The following RAB3GAP1 variants were observed in gnomAD, a reference collection of about 807,000 sequenced individuals.
RAB3GAP1 encodes the protein rab3 GTPase-activating protein catalytic subunit.
Under a neutral mutation model 130.7 loss-of-function variants are expected in RAB3GAP1, and 86 were observed. That is an observed-to-expected ratio of 0.66 (90% confidence interval 0.55 to 0.79). The LOEUF is 0.79. RAB3GAP1 is among the 30% of genes least tolerant of loss of function. The pLI is 0.00. For missense variants in RAB3GAP1, 1,029 were observed against 1,169.4 expected (o/e 0.88, Z 1.75); for synonymous variants, 367 against 401.7 (o/e 0.91, Z 1.03).
chr2:135,127,750 C>G (rs1246881405), intron 11 of RAB3GAP1, among the ~76,000 whole-genome samples: 1 of 152,140 alleles, frequency 6.6e-6, no homozygotes, highest in Non-Finnish European at 1.5e-5. Context: ...ATCTTATACA[C>G]CTCACAAGGT....
At chr2:135,112,415 T>G (rs887417405) in intron 5 of RAB3GAP1, among the ~76,000 whole-genome samples, 1 of 152,188 alleles carries the variant, frequency 6.6e-6, no homozygotes, top group Admixed American at 6.5e-5. Flanking sequence ...GAGAAACACT[T>G]TGGTGTCTTC....
At chr2:135,141,228 C>CTTCTT (rs767817881) in intron 17 of RAB3GAP1, among the ~76,000 whole-genome samples, 5,359 of 132,352 alleles carry the variant, frequency 0.04, 139 homozygotes, top group African/African-American at 0.052. Flanking sequence ...TCACTTACTT[C>CTTCTT]TTTTTTTTTT....
intron 3 of RAB3GAP1, among the ~76,000 whole-genome samples, chr2:135,090,662 T>C (rs1690117710): frequency 6.6e-6 from 1 of 152,220 alleles, no homozygotes; most frequent in Non-Finnish European, 1.5e-5. Context: ...TGCTTCTTTA[T>C]GAAGCAATTT....
chr2:135,155,246 T>C (rs1028329495), intron 19 of RAB3GAP1, among the ~76,000 whole-genome samples: 2 of 151,566 alleles, frequency 1.3e-5, no homozygotes, highest in South Asian at 4.2e-4. Context: ...AAGAAAACCA[T>C]ATAAAAAATG....
chr2:135,057,902 C>T, intron 2 of RAB3GAP1, 109 bp from the exon 3 acceptor site: 5 of 786,520 alleles, frequency 6.4e-6, no homozygotes, highest in South Asian at 6.2e-5. Flanking sequence ...GTACTGAGTC[C>T]TCTCTGGTCA....
intron 17 of RAB3GAP1, among the ~76,000 whole-genome samples, chr2:135,146,268 C>T (rs1478996707): frequency 1.5e-5 from 2 of 137,228 alleles, no homozygotes; most frequent in Admixed American, 8.1e-5. Context: ...TGCAGTGGTG[C>T]GATCATGATC....
chr2:135,083,650 A>G (rs1236231095), intron 3 of RAB3GAP1, among the ~76,000 whole-genome samples: 7 of 148,886 alleles, frequency 4.7e-5, no homozygotes, highest in African/African-American at 1.7e-4. Flanking sequence ...TTTTTCGGTT[A>G]GGGATGGAGT....
rs142239676 is a variant in RAB3GAP1, at chr2:135,056,451, G to A, written c.75-1560G>A. The stretch of plus-strand genomic sequence containing the variant: ...GAACTCCTGACCTCGTGATCCACCC[G>A]CCTCAGCTCCCAAAGTGCTGGGATT... On this transcript the variant is annotated intron_variant, in intron 2 of 23. Coordinates refer to ENST00000264158, the MANE Select transcript of RAB3GAP1 (RefSeq NM_012233.3). 5.6e-3 allele frequency among the ~76,000 whole-genome samples: 854 copies of A among 152,124 alleles called. 7 individuals are homozygous for A. Among genetic ancestry groups the A allele is most frequent in the African/African-American group, 0.02 (813 of 41,496 alleles).
chr2:135,058,003 C>T lies in RAB3GAP1; in HGVS notation c.75-8C>T, dbSNP rs1689062422. 1 of 1,599,296 alleles carries T rather than the reference C, an allele frequency of 6.3e-7. No homozygotes were observed. The highest frequency in any genetic ancestry group is 8.6e-7 in the Non-Finnish European group (1 of 1,166,848). On this transcript the variant is annotated splice_region_variant and splice_polypyrimidine_tract_variant and intron_variant, in intron 2 of 23. Coordinates refer to ENST00000264158, the MANE Select transcript of RAB3GAP1 (RefSeq NM_012233.3). The stretch of plus-strand genomic sequence containing the variant: ...GTTGTATTTAGAAGCTTTCTCCCTA[C>T]TTCCTAGGTTTATTTCCAAAGTTGA...
intron 5 of RAB3GAP1, among the ~76,000 whole-genome samples, chr2:135,105,840 C>T (rs1371844396): frequency 1.3e-5 from 2 of 150,706 alleles, no homozygotes; most frequent in African/African-American, 2.4e-5. Context: ...GCCTCTGCCC[C>T]GCCGCCCCGT....
chr2:135,129,894 A>T, intron 11 of RAB3GAP1, 101 bp from the exon 12 acceptor site: 1 of 788,194 alleles, frequency 1.3e-6, no homozygotes, highest in Non-Finnish European at 2.1e-6. Flanking sequence ...TTTCTACCAT[A>T]TCTTAGTTAA....
intron 3 of RAB3GAP1, among the ~76,000 whole-genome samples, chr2:135,061,892 C>T (rs1325732080): frequency 6.6e-6 from 1 of 152,062 alleles, no homozygotes; most frequent in Non-Finnish European, 1.5e-5. Flanking sequence ...TGTTCTAGAA[C>T]CTACTTTGGA....
intron 3 of RAB3GAP1, among the ~76,000 whole-genome samples, chr2:135,069,534 A>G (rs1413379560): frequency 6.6e-6 from 1 of 152,180 alleles, no homozygotes; most frequent in African/African-American, 2.4e-5. Context: ...AAAACTTTGT[A>G]AAAATGGTTG....
chr2:135,094,523 C>G (rs1000070052), intron 5 of RAB3GAP1, among the ~76,000 whole-genome samples: 2 of 152,136 alleles, frequency 1.3e-5, no homozygotes, highest in African/African-American at 4.8e-5. Context: ...CATTAACCAT[C>G]CCCTCTTTAT....
chr2:135,132,108 A>G (rs1434651022), intron 13 of RAB3GAP1, among the ~76,000 whole-genome samples: 1 of 152,238 alleles, frequency 6.6e-6, no homozygotes, highest in Non-Finnish European at 1.5e-5. Flanking sequence ...TAGTTCATCT[A>G]ATTTTTAAAA....
intron 5 of RAB3GAP1, among the ~76,000 whole-genome samples, chr2:135,102,534 G>A (rs1690475703): frequency 6.6e-6 from 1 of 152,160 alleles, no homozygotes; most frequent in South Asian, 2.1e-4. Context: ...TACTGAGAGT[G>A]GAACAATACA....
chr2:135,104,524 A>T (rs1407189147), intron 5 of RAB3GAP1, among the ~76,000 whole-genome samples: 1 of 152,124 alleles, frequency 6.6e-6, no homozygotes, highest in African/African-American at 2.4e-5. Context: ...ACAGTGAGTT[A>T]CATAGGAATC....
chr2:135,091,709 G>A (rs1481887907), intron 4 of RAB3GAP1, among the ~76,000 whole-genome samples: 1 of 152,184 alleles, frequency 6.6e-6, no homozygotes, highest in East Asian at 1.9e-4. Context: ...GGAGGGCTAA[G>A]TGAAGATTTA....
At chr2:135,101,687 T>C (rs1434470485) in intron 5 of RAB3GAP1, among the ~76,000 whole-genome samples, 1 of 152,240 alleles carries the variant, frequency 6.6e-6, no homozygotes. Context: ...TTAAAAGATA[T>C]GTGGGCATGA....
Sources: allele counts gnomAD v4.1 joint callset (sites outside exome capture counted in the v4.1 genomes callset), GRCh38; gene constraint gnomAD v4.1.1; transcripts MANE v1.5; gene names NCBI Gene and HGNC (gene_info 2026-07-23, HGNC 2026-07-21).